Variants in COL6A6 observed in about 807,000 individuals in gnomAD.
COL6A6 encodes the protein collagen alpha-6(VI) chain.
A neutral mutation model predicts 208.6 loss-of-function variants in COL6A6; 183 were observed. The observed-to-expected ratio is 0.88, with a 90% CI of 0.78 to 0.99. The LOEUF is 0.99. Among genes scored for constraint, COL6A6 ranks in the 50% least tolerant of loss-of-function variants. COL6A6 has a pLI of 0.00. For synonymous variants in COL6A6, 973 were observed against 1,011.8 expected (o/e 0.96, Z 0.73); for missense variants, 2,816 against 2,815.2 (o/e 1.00, Z -0.01).
At chr3:130,650,833 G>A (rs774268995) in intron 33 of COL6A6, among the ~76,000 whole-genome samples, 1 of 152,062 alleles carries the variant, frequency 6.6e-6, no homozygotes, top group African/African-American at 2.4e-5. Context: ...TGATTTACTG[G>A]GCATGAATTA....
In COL6A6 at chr3:130,517,333, C is replaced by T. The variant is rs1252496359; in HGVS notation, c.-96C>T. On this transcript the variant is annotated 5_prime_UTR_variant, in exon 1 of 37. Transcript: ENST00000358511. Reference sequence around the variant, plus strand: ...TGCGCCCTGCCCGCGCAGTGCGCGTCCAGAGGAAATCCGCCCCGGGCTTTC... The same window carrying T: ...TGCGCCCTGCCCGCGCAGTGCGCGTTCAGAGGAAATCCGCCCCGGGCTTTC... 6.6e-6 allele frequency among the ~76,000 whole-genome samples: 1 copy of T among 152,246 alleles called. No individual in the cohort carries two copies. The highest frequency in any genetic ancestry group is 2.4e-5 in the African/African-American group (1 of 41,470).
rs113327935 is a variant in COL6A6, at chr3:130,575,080, G to C, written c.3547+555G>C. On this transcript the variant is annotated intron_variant, in intron 8 of 36. Coordinates refer to ENST00000358511, the MANE Select transcript of COL6A6 (RefSeq NM_001102608.3). Reference sequence around the variant, plus strand: ...GAGAAGTCACTTTTTCTGTTATAAAGGTATCTTATGGGTTGGTTATGATTC... The same window carrying C: ...GAGAAGTCACTTTTTCTGTTATAAACGTATCTTATGGGTTGGTTATGATTC... 1.9e-3 allele frequency among the ~76,000 whole-genome samples: 293 copies of C among 152,190 alleles called. 1 individual carries two copies. The highest frequency in any genetic ancestry group is 6.8e-3 in the African/African-American group (281 of 41,516).
Position 130,584,147 on chromosome 3 carries a change from A to AT in COL6A6, c.3970+2082dup, listed in dbSNP as rs537442393. Among the ~76,000 whole-genome samples the AT allele has an allele frequency of 1.3e-4, 20 of 152,320 alleles. No homozygotes were observed. The East Asian group carries it at 3.7e-3, about 28-fold the overall frequency. ...ACTGTTAGAAAATTGAAAACATTGT[A>AT]TTTAGGATCATGTGACTCATTTATT... On this transcript the variant is annotated intron_variant, in intron 10 of 36. Coordinates refer to ENST00000358511, the MANE Select transcript of COL6A6 (RefSeq NM_001102608.3).
At chr3:130,538,934 T>G (rs952501750) in intron 1 of COL6A6, among the ~76,000 whole-genome samples, 8 of 152,230 alleles carry the variant, frequency 5.3e-5, no homozygotes, top group Admixed American at 5.2e-4. Flanking sequence ...AACCTAAAAA[T>G]GTATACTGAT....
intron 8 of COL6A6, among the ~76,000 whole-genome samples, chr3:130,575,632 C>T (rs2063276816): frequency 6.6e-6 from 1 of 152,178 alleles, no homozygotes; most frequent in South Asian, 2.1e-4. Flanking sequence ...TTTCACTGCA[C>T]TCCCCATCTT....
intron 12 of COL6A6, among the ~76,000 whole-genome samples, chr3:130,590,272 TATATATATATATATATATATATATATA>T (rs1393412353): frequency 1.2e-3 from 22 of 18,824 alleles, no homozygotes; most frequent in Middle Eastern, 9.1e-3. Flanking sequence ...TATATATATA[TATATATATATATATATATATATATATA>T]TTTTTTTTTT....
Position 130,649,124 on chromosome 3 carries a change from C to T in COL6A6, c.5295C>T (p.Ser1765=), listed in dbSNP as rs571925855. The part of the protein sequence containing the change: ...PTELVFALDH[S]RDVTEQEFER... Reference sequence around the variant, plus strand: ...AGTTGGTGTTTGCCCTGGACCACTCCCGGGATGTCACTGAGCAGGAATTTG... The same window carrying T: ...AGTTGGTGTTTGCCCTGGACCACTCTCGGGATGTCACTGAGCAGGAATTTG... Residue 1765 remains serine, a synonymous_variant, in exon 33 of 37, where the codon TCC becomes TCT. Transcript: ENST00000358511. The T allele has an allele frequency of 2.5e-6, 4 of 1,581,116 alleles. No homozygotes were observed. The Admixed American group carries it at 7.3e-5, about 29-fold the overall frequency.
chr3:130,518,016 C>A (rs1420577957), intron 1 of COL6A6, among the ~76,000 whole-genome samples: 1 of 152,044 alleles, frequency 6.6e-6, no homozygotes, highest in Non-Finnish European at 1.5e-5. Context: ...ATCAACCATG[C>A]AAGTAATTTT....
Position 130,676,305 on chromosome 3 carries a change from T to A in COL6A6, c.*908T>A, listed in dbSNP as rs2066356740. 1 of 152,190 alleles carries A rather than the reference T, an allele frequency of 6.6e-6. No homozygotes were observed. Among genetic ancestry groups the A allele is most frequent in the African/African-American group, 2.4e-5 (1 of 41,444 alleles). The allele number at this position is 152,190 out of a possible 1,614,324, so 9.4% of individuals were successfully genotyped here. A position where few individuals can be genotyped will look rare whatever the true frequency, so the allele number is the denominator to read the frequency against. ...AAAACAGCCTTAAATACACACTGAGTTTAGAAAAATGTAAGAAAATCATTG... is the reference window on the plus strand; with the variant it reads ...AAAACAGCCTTAAATACACACTGAGATTAGAAAAATGTAAGAAAATCATTG... On this transcript the variant is annotated 3_prime_UTR_variant, in exon 37 of 37. Transcript: ENST00000358511.
rs186824833 is a variant in COL6A6 at position 130,590,798 on chromosome 3, G to A, written c.4219-243G>A. ...TAGCCAGGATGGTCTCGATCTCCTGGCCTCTTGATCCGCCCGCCTGGGCCT... is the reference window on the plus strand; with the variant it reads ...TAGCCAGGATGGTCTCGATCTCCTGACCTCTTGATCCGCCCGCCTGGGCCT... On this transcript the variant is annotated intron_variant, in intron 12 of 36. Transcript: ENST00000358511. Among the ~76,000 whole-genome samples, 35 of 151,732 alleles carry A rather than the reference G, an allele frequency of 2.3e-4. 1 individual carries two copies. In the East Asian group the frequency reaches 6.8e-3, roughly 30 times the overall value.
At chr3:130,588,718 A>C (rs2063599286) in intron 11 of COL6A6, among the ~76,000 whole-genome samples, 1 of 152,192 alleles carries the variant, frequency 6.6e-6, no homozygotes. Context: ...TATTTGGGGC[A>C]GAAATATATA....
intron 8 of COL6A6, among the ~76,000 whole-genome samples, chr3:130,577,176 T>C (rs2063317292): frequency 6.6e-6 from 1 of 152,172 alleles, no homozygotes; most frequent in African/African-American, 2.4e-5. Context: ...TCCCAACATC[T>C]TACATGGTTG....
intron 23 of COL6A6, among the ~76,000 whole-genome samples, chr3:130,613,352 T>C (rs2064417195): frequency 6.6e-6 from 1 of 152,234 alleles, no homozygotes; most frequent in Non-Finnish European, 1.5e-5. Flanking sequence ...CTGGGCTCTC[T>C]ATTCTGTTCC....
At chr3:130,569,757 G>T (rs2063115649) in intron 6 of COL6A6, among the ~76,000 whole-genome samples, 1 of 152,172 alleles carries the variant, frequency 6.6e-6, no homozygotes, top group South Asian at 2.1e-4. Context: ...AGACCACGGG[G>T]ACATAGTTCT....
intron 36 of COL6A6, among the ~76,000 whole-genome samples, chr3:130,673,389 G>A (rs58032878): frequency 2.5e-4 from 38 of 149,994 alleles, no homozygotes; most frequent in Non-Finnish European, 4.3e-4. Flanking sequence ...CAATTTTTTC[G>A]TAACAAAGAT....
chr3:130,544,881 T>A (rs894594698), intron 1 of COL6A6, among the ~76,000 whole-genome samples: 8 of 152,200 alleles, frequency 5.3e-5, no homozygotes, highest in Non-Finnish European at 7.3e-5. Flanking sequence ...TTCAGGTTTC[T>A]TCTATCCAAT....
chr3:130,575,839 C>T (rs1358679915), intron 8 of COL6A6, among the ~76,000 whole-genome samples: 1 of 152,156 alleles, frequency 6.6e-6, no homozygotes, highest in Non-Finnish European at 1.5e-5. Context: ...CCACCTCCTG[C>T]CCCACATCAT....
chr3:130,539,298 C>T (rs1197905969), intron 1 of COL6A6, among the ~76,000 whole-genome samples: 1 of 152,208 alleles, frequency 6.6e-6, no homozygotes, highest in African/African-American at 2.4e-5. Context: ...GAAGTGTCAG[C>T]CACAGAGATT....
In COL6A6 at chr3:130,626,652, A is replaced by T. The variant is rs16830365; in HGVS notation, c.4941+105A>T. On this transcript the variant is annotated intron_variant, in intron 25 of 36. Transcript: ENST00000358511. ...GAGTTTTAAGGATACAATCCTCATG[A>T]AGTTTTATAGTTTTATAGAAATTAG... The T allele has an allele frequency of 5.6e-3, 4,524 of 805,254 alleles. 306 individuals are homozygous for T. In the East Asian group the frequency reaches 0.1, roughly 18 times the overall value. The allele number at this position is 805,254 out of a possible 1,614,324, so 49.9% of individuals were successfully genotyped here.
Sources: gnomAD v4.1 joint callset for allele counts (sites outside exome capture counted in the v4.1 genomes callset) on GRCh38, gnomAD v4.1.1 for gene constraint, MANE v1.5 for transcripts, NCBI Gene and HGNC (gene_info 2026-07-23, HGNC 2026-07-21) for gene names.